Variants in CC2D2B observed in about 807,000 individuals in gnomAD.
CC2D2B encodes the protein protein CC2D2B.
In CC2D2B, 128 loss-of-function variants were observed where a neutral mutation model predicts 161.2. That is an observed-to-expected ratio of 0.79 (90% CI 0.69 to 0.92). CC2D2B has a LOEUF of 0.92. Ranked by LOEUF, CC2D2B falls within the 40% of genes least tolerant of loss-of-function variation. The pLI is 0.00. For synonymous variants in CC2D2B, 391 were observed against 449.8 expected (o/e 0.87, Z 1.65); for missense variants, 1,173 against 1,375.1 (o/e 0.85, Z 2.32).
chr10:96,029,330 C>T (rs2079966636), intron 34 of CC2D2B, among the ~76,000 whole-genome samples: 2 of 119,222 alleles, frequency 1.7e-5, no homozygotes, highest in African/African-American at 2.8e-5. Context: ...GTACTATGTG[C>T]CCACAAAAAT....
chr10:95,938,257 G>T (rs749809899), intron 7 of CC2D2B, 68 bp downstream of exon 7: 2 of 1,004,694 alleles, frequency 2.0e-6, no homozygotes, highest in South Asian at 1.5e-5. Flanking sequence ...TAGCTTTATT[G>T]TATGCTGGAT....
chr10:96,013,045 T>G (rs2079055400), intron 28 of CC2D2B, among the ~76,000 whole-genome samples: 1 of 152,372 alleles, frequency 6.6e-6, no homozygotes, highest in Middle Eastern at 3.4e-3. Flanking sequence ...TTAAAAACTA[T>G]GTACAAATCT....
chr10:95,934,706 T>G (rs1330899898), intron 6 of CC2D2B, among the ~76,000 whole-genome samples: 2 of 152,190 alleles, frequency 1.3e-5, no homozygotes, highest in African/African-American at 4.8e-5. Flanking sequence ...GCTCACCCTC[T>G]GTGGGCTGCA....
At chr10:95,933,749 T>C (rs887272001) in intron 6 of CC2D2B, among the ~76,000 whole-genome samples, 2 of 152,202 alleles carry the variant, frequency 1.3e-5, no homozygotes, top group Admixed American at 1.3e-4. Flanking sequence ...TTCCTTCCTC[T>C]GGAAGCTTCG....
Position 95,937,892 on chromosome 10 carries a change from C to T in CC2D2B, c.337-99C>T, listed in dbSNP as rs182534542. ...TTGTTCTGTGGGTGGCAGGATCAGA[C>T]GCACAGTTCACAGTAAGGTTCCAGT... On this transcript the variant is annotated intron_variant, in intron 6 of 34. Transcript: ENST00000646931. 8.9e-4 allele frequency: 626 copies of T among 702,708 alleles called. 2 individuals are homozygous for T. Among genetic ancestry groups the T allele is most frequent in the Admixed American group, 1.7e-3 (62 of 35,502 alleles). 43.5% of individuals were successfully genotyped at this position (702,708 alleles called of 1,614,324 possible). A position where few individuals can be genotyped will look rare whatever the true frequency, so the allele number is the denominator to read the frequency against.
At chr10:95,910,561 T>C (rs2098504536) in intron 1 of CC2D2B, among the ~76,000 whole-genome samples, 2 of 152,190 alleles carry the variant, frequency 1.3e-5, no homozygotes, top group Admixed American at 6.5e-5. Flanking sequence ...AAGCCAACCA[T>C]GAGGTATCCA....
At chr10:95,980,588 C>T (rs1169710737) in intron 17 of CC2D2B, among the ~76,000 whole-genome samples, 1 of 152,074 alleles carries the variant, frequency 6.6e-6, no homozygotes, top group Admixed American at 6.6e-5. Flanking sequence ...CTAGCGATCT[C>T]TTATGACATA....
chr10:95,926,424 C>G (rs2098538555), intron 5 of CC2D2B, among the ~76,000 whole-genome samples: 1 of 151,908 alleles, frequency 6.6e-6, no homozygotes, highest in Non-Finnish European at 1.5e-5. Flanking sequence ...AGGTGAATAA[C>G]TTTTAAGTTA....
intron 32 of CC2D2B, chr10:96,020,148 T>C (rs763582643): frequency 4.2e-5 from 8 of 189,138 alleles, no homozygotes; most frequent in Admixed American, 2.5e-4. Flanking sequence ...TCCTGCGCCA[T>C]ATCTATGGTA....
At chr10:96,014,523 G>T (rs1278674123) in intron 29 of CC2D2B, among the ~76,000 whole-genome samples, 3 of 152,056 alleles carry the variant, frequency 2.0e-5, no homozygotes, top group Non-Finnish European at 4.4e-5. Flanking sequence ...TACAAGAAAA[G>T]AATTATTTTC....
intron 9 of CC2D2B, among the ~76,000 whole-genome samples, chr10:95,947,082 A>AAAAAATATATAT (rs1467752343): frequency 2.5e-5 from 1 of 39,482 alleles, no homozygotes; most frequent in African/African-American, 8.9e-5. Flanking sequence ...TGGACTCAAA[A>AAAAAATATATAT]ATATATATAT....
intron 30 of CC2D2B, chr10:96,018,804 T>C (rs1265914999): frequency 6.5e-6 from 1 of 153,068 alleles, no homozygotes. Flanking sequence ...TTTTTGTTGT[T>C]TGTTTGTTAT....
At chr10:96,012,759 T>A in intron 28 of CC2D2B, 30 bp downstream of exon 28, 1 of 1,361,142 alleles carries the variant, frequency 7.3e-7, no homozygotes. Flanking sequence ...AACATCTTCA[T>A]TGTGATTAAA....
chr10:96,032,131 G>T lies in CC2D2B; in HGVS notation c.*123G>T, dbSNP rs955595791. On this transcript the variant is annotated 3_prime_UTR_variant, in exon 35 of 35. Transcript: ENST00000646931. ...CAGCTAAGTGCTGGGCCCAATTTTT[G>T]ATTCACTTACAGAGCTGGGCACTAT... 6 of 707,090 alleles carry T rather than the reference G, an allele frequency of 8.5e-6. No homozygotes were observed. Among genetic ancestry groups the T allele is most frequent in the South Asian group, 1.9e-5 (1 of 52,452 alleles). The allele number at this position is 707,090 out of a possible 1,614,324, so 43.8% of individuals were successfully genotyped here.
intron 22 of CC2D2B, among the ~76,000 whole-genome samples, chr10:95,994,215 T>A (rs1341242164): frequency 6.7e-6 from 1 of 149,244 alleles, no homozygotes; most frequent in African/African-American, 2.5e-5. Context: ...GGAGGGTGAG[T>A]CGTCCAAGTG....
chr10:96,031,615 T>C (rs7073457), intron 34 of CC2D2B, among the ~76,000 whole-genome samples: 2,271 of 152,308 alleles, frequency 0.015, 53 homozygotes, highest in African/African-American at 0.051. Context: ...ATTATAGTAA[T>C]ACCTACCTCA....
intron 15 of CC2D2B, among the ~76,000 whole-genome samples, chr10:95,970,254 G>A (rs1444196006): frequency 2.0e-5 from 3 of 151,950 alleles, no homozygotes; most frequent in South Asian, 2.1e-4. Flanking sequence ...GGCTGGTCTC[G>A]AACTCCTGAC....
chr10:95,956,203 A>G (rs1365607277), intron 11 of CC2D2B, among the ~76,000 whole-genome samples: 1 of 152,150 alleles, frequency 6.6e-6, no homozygotes, highest in Non-Finnish European at 1.5e-5. Context: ...AAAGAGCACA[A>G]TTTTAATCCT....
Position 96,011,727 on chromosome 10 carries a change from C to G in CC2D2B, c.3046-458C>G, listed in dbSNP as rs186404362. Among the ~76,000 whole-genome samples the G allele has an allele frequency of 8.3e-5, 12 of 145,158 alleles. No individual in the cohort carries two copies. The East Asian group carries it at 2.6e-3, about 32-fold the overall frequency. ...ACTCCCAGCTAATATTTATTATTTACCTCTTACACACACGCACACACACAT... is the reference window on the plus strand; with the variant it reads ...ACTCCCAGCTAATATTTATTATTTAGCTCTTACACACACGCACACACACAT... On this transcript the variant is annotated intron_variant, in intron 26 of 34. Coordinates refer to ENST00000646931, the MANE Select transcript of CC2D2B (RefSeq NM_001349008.3).
Sources: allele counts gnomAD v4.1 joint callset (sites outside exome capture counted in the v4.1 genomes callset), GRCh38; gene constraint gnomAD v4.1.1; transcripts MANE v1.5; gene names NCBI Gene and HGNC (gene_info 2026-07-23, HGNC 2026-07-21).